KCNT2: variants seen among roughly 807,000 people sequenced by gnomAD.
The protein encoded by KCNT2 is potassium sodium-activated channel subfamily T member 2, also known as potassium channel subfamily T member 2.
KCNT2 carries 67 observed loss-of-function variants against 153.8 expected under a neutral mutation model. The ratio of observed to expected loss-of-function variants is 0.44; its 90% confidence interval spans 0.36 to 0.53. KCNT2 has a LOEUF of 0.53. Among genes scored for constraint, KCNT2 ranks in the 20% least tolerant of loss-of-function variants. The probability of loss-of-function intolerance (pLI) is 0.00; values close to 1 mark genes in which losing one functional copy is unlikely to be tolerated. For missense variants in KCNT2, 975 were observed against 1,354.8 expected (o/e 0.72, Z 4.40); for synonymous variants, 500 against 458.8 (o/e 1.09, Z -1.15).
chr1:196,563,695 G>A (rs141844249), intron 1 of KCNT2, among the ~76,000 whole-genome samples: 63 of 151,796 alleles, frequency 4.2e-4, no homozygotes, highest in African/African-American at 1.1e-3. Flanking sequence ...TCCATTTAAC[G>A]CAACAATTAT....
chr1:196,235,138 T>G (rs982104000), intron 27 of KCNT2, among the ~76,000 whole-genome samples: 2 of 151,450 alleles, frequency 1.3e-5, no homozygotes, highest in Non-Finnish European at 3.0e-5. Context: ...TTTTCCAGTA[T>G]TACATTTGCC....
Position 196,280,844 on chromosome 1 carries a change from T to G in KCNT2, c.2910+16A>C, listed in dbSNP as rs777537348. 2.7e-5 allele frequency: 43 copies of G among 1,607,280 alleles called. No homozygotes were observed. The East Asian group carries it at 9.4e-4, about 35-fold the overall frequency. On this transcript the variant is annotated intron_variant, in intron 25 of 27. Coordinates refer to ENST00000294725, the MANE Select transcript of KCNT2 (RefSeq NM_198503.5). ...AGATTAAACATCAAAACAAGAATAT[T>G]TTGTTATTTCCAAACCTCAGATGTA...
At chr1:196,557,324 T>C (rs376388223) in intron 1 of KCNT2, among the ~76,000 whole-genome samples, 12 of 151,254 alleles carry the variant, frequency 7.9e-5, no homozygotes, top group East Asian at 3.9e-4. Flanking sequence ...TGTTTTAGAA[T>C]GACATAAAGG....
intron 14 of KCNT2, among the ~76,000 whole-genome samples, chr1:196,349,429 A>G (rs921610015): frequency 6.6e-6 from 1 of 152,144 alleles, no homozygotes; most frequent in Non-Finnish European, 1.5e-5. Context: ...GCTGCTCTGC[A>G]GGCTAATTCT....
intron 12 of KCNT2, among the ~76,000 whole-genome samples, chr1:196,411,721 A>G (rs187760917): frequency 6.6e-6 from 1 of 151,820 alleles, no homozygotes; most frequent in Admixed American, 6.6e-5. Context: ...TACTAAATTG[A>G]TTTATTAGTT....
At chr1:196,296,738 TG>T (rs370418159) in intron 22 of KCNT2, among the ~76,000 whole-genome samples, 7 of 152,116 alleles carry the variant, frequency 4.6e-5, no homozygotes, top group African/African-American at 1.4e-4. Context: ...TGTTTTGAAA[TG>T]TTTTTTTATT....
In KCNT2 at chr1:196,602,705, A is replaced by T. The variant is rs192121368; in HGVS notation, c.95+5510T>A. On this transcript the variant is annotated intron_variant, in intron 1 of 27. Coordinates refer to ENST00000294725, the MANE Select transcript of KCNT2 (RefSeq NM_198503.5). ...GAATTCTTAGTAGTGATTGAAAAACAATAATTATTAAATAATACATTTTTC... is the reference window on the plus strand; with the variant it reads ...GAATTCTTAGTAGTGATTGAAAAACTATAATTATTAAATAATACATTTTTC... 2.4e-3 allele frequency among the ~76,000 whole-genome samples: 372 copies of T among 152,164 alleles called. 2 individuals carry two copies. Among genetic ancestry groups the T allele is most frequent in the Non-Finnish European group, 4.1e-3 (276 of 67,988 alleles).
intron 8 of KCNT2, among the ~76,000 whole-genome samples, chr1:196,464,891 G>A (rs1297109411): frequency 6.6e-6 from 1 of 151,986 alleles, no homozygotes; most frequent in Non-Finnish European, 1.5e-5. Flanking sequence ...GAAAGCAGAG[G>A]CAGAAGCAGT....
chr1:196,566,169 C>T (rs935728780), intron 1 of KCNT2, among the ~76,000 whole-genome samples: 3 of 151,810 alleles, frequency 2.0e-5, no homozygotes, highest in Non-Finnish European at 4.4e-5. Context: ...CACTAAAGAT[C>T]CTTTATTGCC....
chr1:196,271,623 A>G (rs772641104), intron 25 of KCNT2, among the ~76,000 whole-genome samples: 1 of 152,014 alleles, frequency 6.6e-6, no homozygotes, highest in African/African-American at 2.4e-5. Context: ...ACTAGAAAAT[A>G]TTAGGAAAAA....
chr1:196,422,671 T>C (rs1233126470), intron 12 of KCNT2, among the ~76,000 whole-genome samples: 1 of 151,810 alleles, frequency 6.6e-6, no homozygotes, highest in Non-Finnish European at 1.5e-5. Context: ...AAATGCATAG[T>C]TTTGAGAAAC....
chr1:196,540,778 C>G (rs1036303394), intron 1 of KCNT2, among the ~76,000 whole-genome samples: 60 of 152,062 alleles, frequency 3.9e-4, no homozygotes, highest in Non-Finnish European at 1.3e-4. Flanking sequence ...TTAAAGATAT[C>G]TATTTAGGCC....
chr1:196,481,309 AG>A (rs1679004816), intron 4 of KCNT2, among the ~76,000 whole-genome samples: 2 of 152,176 alleles, frequency 1.3e-5, no homozygotes, highest in Admixed American at 1.3e-4. Flanking sequence ...GACTTGGAAG[AG>A]TGAGAAGGGA....
chr1:196,465,056 G>A (rs1383032286), intron 8 of KCNT2, among the ~76,000 whole-genome samples: 1 of 151,986 alleles, frequency 6.6e-6, no homozygotes, highest in Non-Finnish European at 1.5e-5. Flanking sequence ...ACAGCAGTTG[G>A]TAAAATGCCA....
intron 1 of KCNT2, among the ~76,000 whole-genome samples, chr1:196,576,862 T>A (rs2148964630): frequency 6.6e-6 from 1 of 152,260 alleles, no homozygotes; most frequent in South Asian, 2.1e-4. Context: ...TCCTCTTCTA[T>A]CTTGCCTATA....
chr1:196,321,697 G>T (rs1283159826), intron 19 of KCNT2, among the ~76,000 whole-genome samples: 2 of 151,748 alleles, frequency 1.3e-5, no homozygotes, highest in East Asian at 1.9e-4. Context: ...CCTGATGAAG[G>T]ATATCTAAGG....
intron 18 of KCNT2, among the ~76,000 whole-genome samples, 190 bp from the exon 19 acceptor site, chr1:196,327,079 G>T (rs1663932324): frequency 6.6e-6 from 1 of 152,054 alleles, no homozygotes; most frequent in Non-Finnish European, 1.5e-5. Flanking sequence ...AGTGTGCATG[G>T]ACAAGGAAAA....
At chr1:196,363,577 T>C (rs993809554) in intron 14 of KCNT2, among the ~76,000 whole-genome samples, 1 of 152,158 alleles carries the variant, frequency 6.6e-6, no homozygotes, top group African/African-American at 2.4e-5. Context: ...CTCTGCCTCA[T>C]AGAATGGATT....
intron 13 of KCNT2, among the ~76,000 whole-genome samples, chr1:196,385,110 T>C (rs898771675): frequency 6.6e-6 from 1 of 152,162 alleles, no homozygotes; most frequent in Non-Finnish European, 1.5e-5. Flanking sequence ...TATGAGACAA[T>C]TGAGCCAAAT....
Sources: allele counts gnomAD v4.1 joint callset (sites outside exome capture counted in the v4.1 genomes callset), GRCh38; gene constraint gnomAD v4.1.1; transcripts MANE v1.5; gene names NCBI Gene and HGNC (gene_info 2026-07-23, HGNC 2026-07-21).